FKTN: variants seen among roughly 807,000 people sequenced by gnomAD.
FKTN encodes the protein fukutin.
Under a neutral mutation model 58.6 loss-of-function variants are expected in FKTN, and 47 were observed. The ratio of observed to expected loss-of-function variants is 0.80; its 90% CI spans 0.63 to 1.02. The LOEUF is 1.02. FKTN is among the 50% of genes least tolerant of loss of function. FKTN has a pLI of 0.00. For missense variants in FKTN, 516 were observed against 537.3 expected (o/e 0.96, Z 0.39); for synonymous variants, 178 against 191.9 (o/e 0.93, Z 0.60).
At chr9:105,564,822 G>A (rs1478693036) in intron 1 of FKTN, among the ~76,000 whole-genome samples, 4 of 152,140 alleles carry the variant, frequency 2.6e-5, no homozygotes, top group Non-Finnish European at 4.4e-5. Flanking sequence ...TCCTCGAGAA[G>A]AGCAACTCCA....
rs886063343 is a variant in FKTN at position 105,641,081 on chromosome 9, A to T, written c.*5817A>T. On this transcript the variant is annotated 3_prime_UTR_variant, in exon 11 of 11. Coordinates refer to ENST00000357998, the MANE Select transcript of FKTN (RefSeq NM_001079802.2). ...CATCAGAATTTGTAATATATAATCCAGTTTGGGATGATGAATAAAATTTTT... is the reference window on the plus strand; with the variant it reads ...CATCAGAATTTGTAATATATAATCCTGTTTGGGATGATGAATAAAATTTTT... The T allele has an allele frequency of 6.6e-6, 1 of 152,226 alleles. No homozygotes were observed. Among genetic ancestry groups the T allele is most frequent in the African/African-American group, 2.4e-5 (1 of 41,458 alleles). 9.4% of individuals were successfully genotyped at this position (152,226 alleles called of 1,614,324 possible).
chr9:105,628,396 T>C (rs996995720), intron 10 of FKTN, among the ~76,000 whole-genome samples: 1 of 152,218 alleles, frequency 6.6e-6, no homozygotes, highest in African/African-American at 2.4e-5. Flanking sequence ...TTATACAATA[T>C]GTAGAAGTAG....
rs116252840 is a variant in FKTN at position 105,639,398 on chromosome 9, G to T, written c.*4134G>T. 7 of 718,238 alleles carry T rather than the reference G, an allele frequency of 9.7e-6. No homozygotes were observed. The African/African-American group carries it at 1.3e-4, about 14-fold the overall frequency. The allele number at this position is 718,238 out of a possible 1,614,324, so 44.5% of individuals were successfully genotyped here. ...CTTAATCATGTGGGATTTATGGTGG[G>T]GGCCCTTTCAGTCTCAATTTCCACA... is the stretch of plus-strand genomic sequence containing the variant. On this transcript the variant is annotated 3_prime_UTR_variant, in exon 11 of 11. Coordinates refer to ENST00000357998, the MANE Select transcript of FKTN (RefSeq NM_001079802.2).
chr9:105,558,515 G>C (rs1045551595), intron 1 of FKTN, among the ~76,000 whole-genome samples: 7 of 151,984 alleles, frequency 4.6e-5, no homozygotes, highest in Non-Finnish European at 7.4e-5. Context: ...ATCCGCCCGC[G>C]TTGGCCTCTC....
chr9:105,627,535 T>C (rs1395463490), intron 10 of FKTN, among the ~76,000 whole-genome samples: 1 of 152,200 alleles, frequency 6.6e-6, no homozygotes, highest in African/African-American at 2.4e-5. Flanking sequence ...TAAGATCTAA[T>C]CCAGGATACC....
intron 10 of FKTN, 100 bp downstream of exon 10, chr9:105,620,161 C>T (rs1490433018): frequency 3.0e-6 from 3 of 992,856 alleles, no homozygotes; most frequent in Non-Finnish European, 4.6e-6. Context: ...AAATCTCTTT[C>T]AAGACTCCAT....
At position 105,601,348 on chromosome 9, in the gene FKTN, G is replaced by A. The variant is rs1291077906; in HGVS notation, c.369G>A (p.Glu123=). Residue 123 remains glutamate (E), a splice_region_variant and synonymous_variant, in exon 5 of 11, where the codon GAG becomes GAA. Transcript: ENST00000357998. ...TGCAGTATCACCTATGGAAGAATGA[G>A]GTAAGTGACTTGCTTTCAGATAATG... ...FALQYHLWKN[E]EGWFRIAENM... The A allele has an allele frequency of 6.3e-7, 1 of 1,586,846 alleles. No individual in the cohort carries two copies. Among genetic ancestry groups the A allele is most frequent in the Middle Eastern group, 1.7e-4 (1 of 6,036 alleles).
At chr9:105,608,177 A>G (rs1433890263) in intron 7 of FKTN, among the ~76,000 whole-genome samples, 1 of 152,102 alleles carries the variant, frequency 6.6e-6, no homozygotes, top group East Asian at 1.9e-4. Context: ...ATATTTATTT[A>G]TTGTTTTATT....
rs114941535 is a variant in FKTN at position 105,626,113 on chromosome 9, T to C, written c.1172+6052T>C. 5.4e-3 allele frequency among the ~76,000 whole-genome samples: 829 copies of C among 152,356 alleles called. 5 individuals carry two copies. The highest frequency in any genetic ancestry group is 0.019 in the African/African-American group (786 of 41,574). On this transcript the variant is annotated intron_variant, in intron 10 of 10. Transcript: ENST00000357998. Reference sequence around the variant, plus strand: ...TGTATGAATATATCACAAATATTTATTAAGTCCACTAACCCAAATAGTAGT... The same window carrying C: ...TGTATGAATATATCACAAATATTTACTAAGTCCACTAACCCAAATAGTAGT...
At position 105,604,471 on chromosome 9, in the gene FKTN, G is replaced by A. The variant is rs771109111; in HGVS notation, c.626G>A (p.Arg209His). 15 of 1,613,910 alleles carry A rather than the reference G, an allele frequency of 9.3e-6. 2 individuals carry two copies. The highest frequency in any genetic ancestry group is 5.5e-5 in the South Asian group (5 of 91,074). ...CCCTTCCGAAAGTTACAGTTTGGTC[G>A]TTATCCAGGAGCTTTTGACAGGTAA... The part of the protein sequence containing the change: ...FVPFRKLQFG[R>H]YPGAFDRPEL... Residue 209 changes from arginine to histidine, a missense_variant, in exon 6 of 11, where the codon CGT (arginine) becomes CAT (histidine). By Grantham distance (29) the Arg-to-His change is conservative. Transcript: ENST00000357998.
At chr9:105,625,836 TAA>T (rs756541244) in intron 10 of FKTN, among the ~76,000 whole-genome samples, 3 of 144,426 alleles carry the variant, frequency 2.1e-5, no homozygotes, top group African/African-American at 5.0e-5. Context: ...AGCACCCCAG[TAA>T]AAAAAAAAAA....
chr9:105,589,770 G>T (rs1417311632), intron 3 of FKTN, among the ~76,000 whole-genome samples: 5 of 152,112 alleles, frequency 3.3e-5, no homozygotes, highest in Non-Finnish European at 7.3e-5. Flanking sequence ...GACACAGCCT[G>T]TTCAAAGGGA....
Position 105,639,445 on chromosome 9 carries a change from A to G in FKTN, c.*4181A>G. 1 of 596,830 alleles carries G rather than the reference A, an allele frequency of 1.7e-6. No homozygotes were observed. Among genetic ancestry groups the G allele is most frequent in the Non-Finnish European group, 2.1e-6 (1 of 475,356 alleles). The allele number at this position is 596,830 out of a possible 1,614,324, so 37.0% of individuals were successfully genotyped here. On this transcript the variant is annotated 3_prime_UTR_variant, in exon 11 of 11. Transcript: ENST00000357998. ...CACATTAGTGAACTGGGGAAATGAT[A>G]CATACTTCTAAGGGTTTTTAGGGGG... is the stretch of plus-strand genomic sequence containing the variant.
intron 10 of FKTN, among the ~76,000 whole-genome samples, chr9:105,634,591 A>G (rs2038092960): frequency 6.6e-6 from 1 of 152,210 alleles, no homozygotes; most frequent in Admixed American, 6.5e-5. Flanking sequence ...AAGCTATGGA[A>G]CCAAAGGAAA....
At chr9:105,602,662 T>A (rs1324343184) in intron 5 of FKTN, among the ~76,000 whole-genome samples, 2 of 152,220 alleles carry the variant, frequency 1.3e-5, no homozygotes, top group Non-Finnish European at 2.9e-5. Context: ...CTCAAGGGAT[T>A]CTCCTGCCTC....
Position 105,639,448 on chromosome 9 carries a change from T to G in FKTN, c.*4184T>G. 3.3e-6 allele frequency: 2 copies of G among 612,148 alleles called. No homozygotes were observed. Among genetic ancestry groups the G allele is most frequent in the Non-Finnish European group, 4.1e-6 (2 of 489,286 alleles). The allele number at this position is 612,148 out of a possible 1,614,324, so 37.9% of individuals were successfully genotyped here. A position where few individuals can be genotyped will look rare whatever the true frequency, so the allele number is the denominator to read the frequency against. On this transcript the variant is annotated 3_prime_UTR_variant, in exon 11 of 11. Coordinates refer to ENST00000357998, the MANE Select transcript of FKTN (RefSeq NM_001079802.2). Reference sequence around the variant, plus strand: ...ATTAGTGAACTGGGGAAATGATACATACTTCTAAGGGTTTTTAGGGGGATT... The same window carrying G: ...ATTAGTGAACTGGGGAAATGATACAGACTTCTAAGGGTTTTTAGGGGGATT...
intron 10 of FKTN, among the ~76,000 whole-genome samples, chr9:105,626,902 G>C (rs1832804613): frequency 1.3e-5 from 2 of 151,378 alleles, no homozygotes; most frequent in African/African-American, 4.9e-5. Context: ...TGAGTATCTT[G>C]TCAGGGTTTT....
rs950002405 is a variant in FKTN, at chr9:105,640,451, G to C, written c.*5187G>C. 2 of 187,412 alleles carry C rather than the reference G, an allele frequency of 1.1e-5. No individual in the cohort carries two copies. Among genetic ancestry groups the C allele is most frequent in the African/African-American group, 4.7e-5 (2 of 42,768 alleles). The allele number at this position is 187,412 out of a possible 1,614,324, so 11.6% of individuals were successfully genotyped here. A position where few individuals can be genotyped will look rare whatever the true frequency, so the allele number is the denominator to read the frequency against. The stretch of plus-strand genomic sequence containing the variant: ...GCCTATAGTCCCAGCTACACAGGAG[G>C]CTGAGGCAGGAGAATCACTTGAACC... On this transcript the variant is annotated 3_prime_UTR_variant, in exon 11 of 11. Coordinates refer to ENST00000357998, the MANE Select transcript of FKTN (RefSeq NM_001079802.2).
At chr9:105,573,812 G>A (rs1350323510) in intron 2 of FKTN, 66 bp downstream of exon 2, 1 of 152,188 alleles carries the variant, frequency 6.6e-6, no homozygotes, top group African/African-American at 2.4e-5. Flanking sequence ...GTTGGTTTGG[G>A]AAATCAGATA....
Sources: allele counts gnomAD v4.1 joint callset (sites outside exome capture counted in the v4.1 genomes callset), GRCh38; gene constraint gnomAD v4.1.1; transcripts MANE v1.5; gene names NCBI Gene and HGNC (gene_info 2026-07-23, HGNC 2026-07-21).